RABGAP1L: variants seen among roughly 807,000 people sequenced by gnomAD.
RABGAP1L encodes rab GTPase-activating protein 1-like.
Under a neutral mutation model 137.7 loss-of-function variants are expected in RABGAP1L, and 63 were observed. That is an observed-to-expected ratio of 0.46 (90% confidence interval 0.37 to 0.56). RABGAP1L has a LOEUF of 0.56. RABGAP1L is among the 20% of genes least tolerant of loss of function. The pLI is 0.00. For synonymous variants in RABGAP1L, 431 were observed against 433.7 expected (o/e 0.99, Z 0.08); for missense variants, 1,095 against 1,244.0 (o/e 0.88, Z 1.80).
At chr1:174,850,820 G>A (rs1211953653) in intron 19 of RABGAP1L, among the ~76,000 whole-genome samples, 3 of 152,166 alleles carry the variant, frequency 2.0e-5, no homozygotes, top group African/African-American at 7.2e-5. Context: ...GCTTTCTTTG[G>A]CTAATGGCAG....
chr1:174,255,690 A>G (rs1351266560), intron 7 of RABGAP1L, among the ~76,000 whole-genome samples: 1 of 152,048 alleles, frequency 6.6e-6, no homozygotes, highest in Non-Finnish European at 1.5e-5. Context: ...ACGCCTGGCT[A>G]ATTTTGTATA....
chr1:174,685,527 A>G (rs1475154970), intron 15 of RABGAP1L, among the ~76,000 whole-genome samples: 1 of 150,286 alleles, frequency 6.7e-6, no homozygotes, highest in Non-Finnish European at 1.5e-5. Context: ...TGCTGGGATT[A>G]CAGGCGTGAG....
At chr1:174,388,824 T>A (rs1687004433) in intron 12 of RABGAP1L, among the ~76,000 whole-genome samples, 1 of 152,078 alleles carries the variant, frequency 6.6e-6, no homozygotes, top group Non-Finnish European at 1.5e-5. Flanking sequence ...AATAATTGGG[T>A]ATTGGATTAT....
At chr1:174,265,339 T>G (rs1033168171) in intron 7 of RABGAP1L, among the ~76,000 whole-genome samples, 2 of 152,190 alleles carry the variant, frequency 1.3e-5, no homozygotes, top group Non-Finnish European at 2.9e-5. Flanking sequence ...ATGTCAGACT[T>G]TGAAATTTAT....
chr1:174,300,207 T>C (rs1454948760), intron 10 of RABGAP1L, among the ~76,000 whole-genome samples: 1 of 152,190 alleles, frequency 6.6e-6, no homozygotes, highest in Non-Finnish European at 1.5e-5. Flanking sequence ...TTCTGGACAC[T>C]TCAGGGTCCC....
At chr1:174,532,555 C>T (rs930637404) in intron 13 of RABGAP1L, among the ~76,000 whole-genome samples, 3 of 151,984 alleles carry the variant, frequency 2.0e-5, no homozygotes, top group Non-Finnish European at 2.9e-5. Flanking sequence ...AGTATTTAAA[C>T]ACATTCAGGG....
chr1:174,683,520 A>T lies in RABGAP1L; in HGVS notation c.1825-2A>T. On this transcript the variant is annotated splice_acceptor_variant, in intron 14 of 25. Coordinates refer to ENST00000681986, the MANE Select transcript of RABGAP1L (RefSeq NM_001366446.1). LOFTEE classifies it high-confidence loss of function. ...ATTTCTTTCTTTTCATCTTTTCTCTAGGCCTACTCTGTGTATGATGAAGAC... is the reference window on the plus strand; with the variant it reads ...ATTTCTTTCTTTTCATCTTTTCTCTTGGCCTACTCTGTGTATGATGAAGAC... The T allele has an allele frequency of 6.3e-7, 1 of 1,590,146 alleles. No individual in the cohort carries two copies. Among genetic ancestry groups the T allele is most frequent in the Non-Finnish European group, 8.6e-7 (1 of 1,160,642 alleles).
intron 19 of RABGAP1L, among the ~76,000 whole-genome samples, chr1:174,906,889 A>G (rs926520539): frequency 3.1e-5 from 4 of 130,754 alleles, no homozygotes; most frequent in Non-Finnish European, 4.6e-5. Flanking sequence ...GACATTTTCA[A>G]AGTGCTCAAA....
At chr1:174,519,197 T>TAC (rs902730245) in intron 13 of RABGAP1L, among the ~76,000 whole-genome samples, 1 of 149,002 alleles carries the variant, frequency 6.7e-6, no homozygotes, top group Non-Finnish European at 1.5e-5. Context: ...TATATATATA[T>TAC]ACACACACAT....
chr1:174,932,644 G>A (rs188138314), intron 19 of RABGAP1L, among the ~76,000 whole-genome samples: 9 of 152,048 alleles, frequency 5.9e-5, no homozygotes, highest in Non-Finnish European at 1.0e-4. Flanking sequence ...ATTTTGTGGC[G>A]AAGTACTTTG....
intron 19 of RABGAP1L, among the ~76,000 whole-genome samples, chr1:174,953,718 G>T (rs1668076088): frequency 6.6e-6 from 1 of 152,208 alleles, no homozygotes; most frequent in Admixed American, 6.5e-5. Context: ...AATCACTGTG[G>T]AATACGATGA....
At chr1:174,550,382 C>T (rs1350015871) in intron 13 of RABGAP1L, among the ~76,000 whole-genome samples, 2 of 152,182 alleles carry the variant, frequency 1.3e-5, no homozygotes, top group African/African-American at 4.8e-5. Flanking sequence ...CAATCAGTGA[C>T]AGCCTCACTC....
chr1:174,737,687 A>C (rs1394715169), intron 17 of RABGAP1L, among the ~76,000 whole-genome samples: 1 of 152,182 alleles, frequency 6.6e-6, no homozygotes, highest in Non-Finnish European at 1.5e-5. Context: ...GAAACACCTG[A>C]GACTTTGTGT....
intron 10 of RABGAP1L, among the ~76,000 whole-genome samples, chr1:174,300,617 T>C (rs1342722856): frequency 6.7e-6 from 1 of 149,630 alleles, no homozygotes; most frequent in African/African-American, 2.5e-5. Flanking sequence ...ATGTTCAAGG[T>C]TTAAAATACT....
chr1:174,570,607 A>G (rs1324195955), intron 13 of RABGAP1L, among the ~76,000 whole-genome samples: 1 of 152,154 alleles, frequency 6.6e-6, no homozygotes, highest in African/African-American at 2.4e-5. Context: ...CATACCCCCA[A>G]TCTCAGCATT....
chr1:174,307,651 A>G (rs1473262559), intron 11 of RABGAP1L, among the ~76,000 whole-genome samples: 1 of 152,164 alleles, frequency 6.6e-6, no homozygotes, highest in Non-Finnish European at 1.5e-5. Flanking sequence ...AGGTGTCAGT[A>G]TTTCATTCCA....
At chr1:174,820,111 C>T (rs1309349849) in intron 19 of RABGAP1L, among the ~76,000 whole-genome samples, 3 of 152,018 alleles carry the variant, frequency 2.0e-5, no homozygotes, top group African/African-American at 7.3e-5. Flanking sequence ...TTGTTGTAGA[C>T]TATGAGTTCA....
intron 14 of RABGAP1L, among the ~76,000 whole-genome samples, chr1:174,648,944 C>A (rs971153830): frequency 1.3e-5 from 2 of 152,084 alleles, no homozygotes; most frequent in Admixed American, 6.5e-5. Context: ...GATCCCTTTA[C>A]CATTATGTAA....
At chr1:174,429,524 G>A (rs998245534) in intron 13 of RABGAP1L, among the ~76,000 whole-genome samples, 2 of 151,888 alleles carry the variant, frequency 1.3e-5, no homozygotes, top group Non-Finnish European at 1.5e-5. Flanking sequence ...GGTGGATCAC[G>A]AGGTCAGGAG....
Sources: gnomAD v4.1 joint callset for allele counts (sites outside exome capture counted in the v4.1 genomes callset) on GRCh38, gnomAD v4.1.1 for gene constraint, MANE v1.5 for transcripts, NCBI Gene and HGNC (gene_info 2026-07-23, HGNC 2026-07-21) for gene names.